The following DEPTOR variants were observed in gnomAD, a reference collection of about 807,000 sequenced individuals.
DEPTOR encodes DEP domain-containing mTOR-interacting protein.
Under a neutral mutation model 41.6 loss-of-function variants are expected in DEPTOR, and 41 were observed. The observed-to-expected ratio is 0.98, with a 90% CI of 0.77 to 1.28. The LOEUF (loss-of-function observed/expected upper bound fraction) is 1.28, where lower values mean the gene tolerates loss of function less well. DEPTOR is among the 50% of genes most tolerant of loss of function. The pLI is 0.00. For missense variants in DEPTOR, 514 were observed against 527.9 expected, an observed-to-expected ratio of 0.97 and a Z score of 0.26; for synonymous variants, 195 against 192.3, an observed-to-expected ratio of 1.01 and a Z score of -0.12.
intron 1 of DEPTOR, among the ~76,000 whole-genome samples, chr8:119,906,554 A>AGACC (rs1827666693): frequency 1.3e-5 from 2 of 152,302 alleles, no homozygotes; most frequent in South Asian, 4.1e-4. Flanking sequence ...CCTCCTTTAT[A>AGACC]GACCACTCTT....
chr8:119,905,867 T>C (rs553655954), intron 1 of DEPTOR, among the ~76,000 whole-genome samples: 1 of 152,140 alleles, frequency 6.6e-6, no homozygotes, highest in Non-Finnish European at 1.5e-5. Flanking sequence ...GGTCTCGAAC[T>C]CCTCACCTCA....
At chr8:120,018,018 T>A (rs1323024381) in intron 8 of DEPTOR, among the ~76,000 whole-genome samples, 1 of 151,972 alleles carries the variant, frequency 6.6e-6, no homozygotes, top group Non-Finnish European at 1.5e-5. Flanking sequence ...GTCCTTTTTT[T>A]CCTCTTTCAA....
chr8:119,972,622 C>CAAAAAA (rs59750717), intron 4 of DEPTOR, among the ~76,000 whole-genome samples: 3 of 138,400 alleles, frequency 2.2e-5, no homozygotes. Context: ...GACTCTGTCT[C>CAAAAAA]AAAAAAAAAA....
At chr8:120,041,806 G>T (rs1196457791) in intron 8 of DEPTOR, among the ~76,000 whole-genome samples, 2 of 152,110 alleles carry the variant, frequency 1.3e-5, no homozygotes, top group African/African-American at 4.8e-5. Context: ...CAAAGTGCTG[G>T]GATTACAGGC....
At chr8:119,980,339 C>T (rs1047329378) in intron 4 of DEPTOR, among the ~76,000 whole-genome samples, 12 of 152,132 alleles carry the variant, frequency 7.9e-5, no homozygotes, top group African/African-American at 2.4e-4. Flanking sequence ...ATCAGACTCA[C>T]ATTTCAAGGC....
At chr8:119,974,443 C>A (rs535489937) in intron 4 of DEPTOR, among the ~76,000 whole-genome samples, 1 of 151,812 alleles carries the variant, frequency 6.6e-6, no homozygotes, top group South Asian at 2.1e-4. Context: ...GGTGAAAATC[C>A]AGAGAAATGA....
At chr8:119,945,851 G>A (rs1828264434) in intron 3 of DEPTOR, among the ~76,000 whole-genome samples, 1 of 152,190 alleles carries the variant, frequency 6.6e-6, no homozygotes, top group Non-Finnish European at 1.5e-5. Flanking sequence ...GACACAGACA[G>A]AGCAGCAACG....
At chr8:120,008,996 C>A in intron 7 of DEPTOR, 33 bp from the exon 8 acceptor site, 1 of 1,604,800 alleles carries the variant, frequency 6.2e-7, no homozygotes, top group South Asian at 1.1e-5. Flanking sequence ...CGGAGACAGT[C>A]GGCTGCTTGC....
intron 8 of DEPTOR, among the ~76,000 whole-genome samples, chr8:120,018,248 T>C (rs941457313): frequency 2.0e-5 from 3 of 152,160 alleles, no homozygotes; most frequent in African/African-American, 2.4e-5. Flanking sequence ...GATTTTTTTT[T>C]CCCTAAGACA....
At chr8:119,985,751 T>C (rs1013813158) in intron 4 of DEPTOR, among the ~76,000 whole-genome samples, 1 of 151,728 alleles carries the variant, frequency 6.6e-6, no homozygotes, top group Non-Finnish European at 1.5e-5. Flanking sequence ...CATTATGTAA[T>C]GCCCTTCTTT....
At chr8:119,996,181 C>T (rs891583255) in intron 4 of DEPTOR, among the ~76,000 whole-genome samples, 10 of 152,072 alleles carry the variant, frequency 6.6e-5, no homozygotes, top group South Asian at 2.1e-4. Flanking sequence ...CTGAGACACT[C>T]GGATCCAAAT....
At chr8:120,008,751 A>C (rs953730010) in intron 7 of DEPTOR, among the ~76,000 whole-genome samples, 2 of 152,164 alleles carry the variant, frequency 1.3e-5, no homozygotes, top group East Asian at 1.9e-4. Flanking sequence ...ATAACAGCCT[A>C]AGAAAGAGAA....
At chr8:119,939,731 T>C (rs1828177141) in intron 3 of DEPTOR, among the ~76,000 whole-genome samples, 1 of 151,886 alleles carries the variant, frequency 6.6e-6, no homozygotes, top group South Asian at 2.1e-4. Flanking sequence ...TGACTCAGCC[T>C]CCCAAAGTGC....
At chr8:120,014,086 T>C (rs1231917622) in intron 8 of DEPTOR, among the ~76,000 whole-genome samples, 17 of 152,174 alleles carry the variant, frequency 1.1e-4, no homozygotes, top group Non-Finnish European at 7.3e-5. Context: ...GCTACTCTTA[T>C]TTTGAAAGTT....
intron 3 of DEPTOR, among the ~76,000 whole-genome samples, chr8:119,963,515 A>C (rs1586634865): frequency 6.6e-6 from 1 of 151,846 alleles, no homozygotes; most frequent in Admixed American, 6.6e-5. Context: ...TGTCTGGCTA[A>C]TTTTTTTGTA....
intron 3 of DEPTOR, among the ~76,000 whole-genome samples, chr8:119,963,022 T>A (rs1828512615): frequency 6.6e-6 from 1 of 152,170 alleles, no homozygotes; most frequent in African/African-American, 2.4e-5. Flanking sequence ...GATTTTGAGA[T>A]GGCTTTGAGA....
rs542030054 is a variant in DEPTOR at position 119,938,517 on chromosome 8, A to AT, written c.425+8588dup. 1.8e-4 allele frequency among the ~76,000 whole-genome samples: 27 copies of AT among 151,380 alleles called. No homozygotes were observed. In the South Asian group the frequency reaches 2.5e-3, roughly 14 times the overall value. ...TGAAATCTGTATCTTTCTTTTTTCA[A>AT]TTTTTTTTTAATTGAGACAGAATCT... is the stretch of plus-strand genomic sequence containing the variant. On this transcript the variant is annotated intron_variant, in intron 3 of 8. Coordinates refer to ENST00000286234, the MANE Select transcript of DEPTOR (RefSeq NM_022783.4).
At chr8:119,945,564 A>G (rs541326512) in intron 3 of DEPTOR, among the ~76,000 whole-genome samples, 2 of 152,364 alleles carry the variant, frequency 1.3e-5, no homozygotes, top group Admixed American at 1.3e-4. Flanking sequence ...ACAGTTGCTC[A>G]TGGCATAGGC....
At chr8:120,041,206 G>A (rs997135000) in intron 8 of DEPTOR, among the ~76,000 whole-genome samples, 1 of 152,178 alleles carries the variant, frequency 6.6e-6, no homozygotes, top group Non-Finnish European at 1.5e-5. Flanking sequence ...AGACAATTAT[G>A]TAATCATAGG....
Sources: allele counts gnomAD v4.1 joint callset (sites outside exome capture counted in the v4.1 genomes callset), GRCh38; gene constraint gnomAD v4.1.1; transcripts MANE v1.5; gene names NCBI Gene and HGNC (gene_info 2026-07-23, HGNC 2026-07-21).